Variants in PDE10A observed in about 807,000 individuals in gnomAD.
PDE10A encodes the protein cAMP and cAMP-inhibited cGMP 3',5'-cyclic phosphodiesterase 10A.
Under a neutral mutation model 97.7 loss-of-function variants are expected in PDE10A, and 39 were observed. That is an observed-to-expected ratio of 0.40 (90% confidence interval 0.31 to 0.52). The LOEUF (loss-of-function observed/expected upper bound fraction) is 0.52, where lower values mean the gene tolerates loss of function less well. Among genes scored for constraint, PDE10A ranks in the 20% least tolerant of loss-of-function variants. PDE10A has a pLI of 0.56. For missense variants in PDE10A, 731 were observed against 1,047.8 expected (o/e 0.70, Z 4.17); for synonymous variants, 371 against 376.8 (o/e 0.98, Z 0.18).
At position 165,662,551 on chromosome 6, in the gene PDE10A, G is replaced by C. The variant is rs1229040138; in HGVS notation, c.261C>G (p.Arg87=). Residue 87 remains arginine, a synonymous_variant, in exon 1 of 22, where the codon CGC becomes CGG. Coordinates refer to ENST00000539869, the MANE Select transcript of PDE10A (RefSeq NM_001385079.1). ...CCGCGACCCAGCCGCAGCCGCCGCC[G>C]CGCGCAGAGAGGGCGCCGGGGCCCC... ...PAGGPGALSA[R]GGGCGWVAAR... The C allele has an allele frequency of 4.0e-5, 6 of 148,160 alleles. No individual in the cohort carries two copies. The highest frequency in any genetic ancestry group is 1.5e-4 in the African/African-American group (6 of 40,954). The allele number at this position is 148,160 out of a possible 1,614,324, so 9.2% of individuals were successfully genotyped here. A position where few individuals can be genotyped will look rare whatever the true frequency, so the allele number is the denominator to read the frequency against.
intron 1 of PDE10A, among the ~76,000 whole-genome samples, chr6:165,937,105 A>C (rs10946109): frequency 0.34 from 51,384 of 152,022 alleles, 9,341 homozygotes; most frequent in African/African-American, 0.42. Flanking sequence ...GCAGTTCTGC[A>C]TGCATCCTAT....
At chr6:165,518,106 A>G (rs1269788433) in intron 2 of PDE10A, among the ~76,000 whole-genome samples, 5 of 152,214 alleles carry the variant, frequency 3.3e-5, no homozygotes, top group African/African-American at 7.2e-5. Flanking sequence ...ATATTTTGCT[A>G]AACACTCTGA....
chr6:165,975,484 A>AT (rs1166391743), intron 1 of PDE10A, among the ~76,000 whole-genome samples: 1 of 152,224 alleles, frequency 6.6e-6, no homozygotes, highest in African/African-American at 2.4e-5. Flanking sequence ...TCAGTCACAC[A>AT]TTCATTCAAC....
At chr6:165,935,045 G>A (rs994952982) in intron 1 of PDE10A, among the ~76,000 whole-genome samples, 15 of 152,188 alleles carry the variant, frequency 9.9e-5, no homozygotes, top group African/African-American at 2.4e-4. Context: ...GTTATCAGAC[G>A]TAGTTCCTTC....
intron 1 of PDE10A, among the ~76,000 whole-genome samples, chr6:165,563,082 A>T (rs556933918): frequency 6.6e-6 from 1 of 151,930 alleles, no homozygotes; most frequent in African/African-American, 2.4e-5. Context: ...TGCATAAAAT[A>T]CTGCAATCAG....
chr6:165,475,411 C>T (rs1259356168), intron 3 of PDE10A, among the ~76,000 whole-genome samples: 1 of 151,930 alleles, frequency 6.6e-6, no homozygotes, highest in Non-Finnish European at 1.5e-5. Flanking sequence ...ATGAAATAAA[C>T]AAAGAAAAGT....
At chr6:165,965,028 C>T (rs1035681009) in intron 1 of PDE10A, among the ~76,000 whole-genome samples, 4 of 152,214 alleles carry the variant, frequency 2.6e-5, no homozygotes, top group African/African-American at 9.6e-5. Flanking sequence ...ATAAAGGGGC[C>T]TTTGGCCAAA....
chr6:165,505,469 A>G (rs1189489259), intron 2 of PDE10A, among the ~76,000 whole-genome samples: 1 of 152,198 alleles, frequency 6.6e-6, no homozygotes, highest in Non-Finnish European at 1.5e-5. Flanking sequence ...CCAACTTTCA[A>G]ATAAAATGAT....
chr6:165,874,684 C>T (rs7776001), intron 1 of PDE10A, among the ~76,000 whole-genome samples: 1 of 152,036 alleles, frequency 6.6e-6, no homozygotes, highest in Non-Finnish European at 1.5e-5. Flanking sequence ...TCAAATTATT[C>T]ACAATTGAAA....
chr6:165,401,153 C>T (rs1011993786), intron 13 of PDE10A, among the ~76,000 whole-genome samples: 2 of 152,176 alleles, frequency 1.3e-5, no homozygotes, highest in African/African-American at 2.4e-5. Flanking sequence ...AACAGTTGTA[C>T]GTTATTGTGT....
At chr6:165,882,874 C>T (rs905322581) in intron 1 of PDE10A, among the ~76,000 whole-genome samples, 2 of 152,096 alleles carry the variant, frequency 1.3e-5, no homozygotes, top group African/African-American at 2.4e-5. Flanking sequence ...TTATCACGTC[C>T]CTGTTCTCAA....
At chr6:165,345,338 C>T (rs1459230600) in intron 18 of PDE10A, among the ~76,000 whole-genome samples, 2 of 152,200 alleles carry the variant, frequency 1.3e-5, no homozygotes, top group Non-Finnish European at 2.9e-5. Context: ...TTAGATTTCA[C>T]TGTCAAAATT....
At chr6:165,856,034 G>T (rs1780723703) in intron 1 of PDE10A, among the ~76,000 whole-genome samples, 1 of 152,106 alleles carries the variant, frequency 6.6e-6, no homozygotes. Flanking sequence ...ATTGATGAGG[G>T]GCCAGGACTC....
chr6:165,871,112 G>T (rs1207033864), intron 1 of PDE10A, among the ~76,000 whole-genome samples: 2 of 152,184 alleles, frequency 1.3e-5, no homozygotes, highest in African/African-American at 4.8e-5. Context: ...GATACACAAA[G>T]AAATGATAGA....
intron 1 of PDE10A, among the ~76,000 whole-genome samples, chr6:165,585,351 C>G (rs1785845631): frequency 6.6e-6 from 1 of 152,164 alleles, no homozygotes; most frequent in African/African-American, 2.4e-5. Context: ...ATATTCCCAG[C>G]AACTCATTCA....
intron 1 of PDE10A, among the ~76,000 whole-genome samples, chr6:165,883,835 AG>A (rs1781556296): frequency 6.6e-6 from 1 of 152,170 alleles, no homozygotes; most frequent in Non-Finnish European, 1.5e-5. Flanking sequence ...CTCAAGCTAA[AG>A]AGACACAGGC....
At chr6:165,867,432 G>T (rs1398176763) in intron 1 of PDE10A, among the ~76,000 whole-genome samples, 2 of 151,858 alleles carry the variant, frequency 1.3e-5, no homozygotes, top group Non-Finnish European at 2.9e-5. Flanking sequence ...AAGACACAAA[G>T]AAGGTCATTA....
chr6:165,327,558 AAACAT>A lies in PDE10A; in HGVS notation c.*5462_*5466del, dbSNP rs1488302436. 6.6e-6 allele frequency: 1 copy of A among 152,216 alleles called. No homozygotes were observed. The highest frequency in any genetic ancestry group is 2.4e-5 in the African/African-American group (1 of 41,468). 9.4% of individuals were successfully genotyped at this position (152,216 alleles called of 1,614,324 possible). A position where few individuals can be genotyped will look rare whatever the true frequency, so the allele number is the denominator to read the frequency against. ...ATAAATGATTACTGTTCTATTATAC[AAACAT>A]AACAGTAAATGTTTTTTAAATACAA... On this transcript the variant is annotated 3_prime_UTR_variant, in exon 22 of 22. Coordinates refer to ENST00000539869, the MANE Select transcript of PDE10A (RefSeq NM_001385079.1).
chr6:165,788,518 C>CAAAAAAAAAA (rs56927613), intron 1 of PDE10A, among the ~76,000 whole-genome samples: 13 of 74,638 alleles, frequency 1.7e-4, no homozygotes, highest in East Asian at 9.4e-4. Context: ...AACTCTGTCT[C>CAAAAAAAAAA]AAAAAAAAAA....
Sources: gnomAD v4.1 joint callset for allele counts (sites outside exome capture counted in the v4.1 genomes callset) on GRCh38, gnomAD v4.1.1 for gene constraint, MANE v1.5 for transcripts, NCBI Gene and HGNC (gene_info 2026-07-23, HGNC 2026-07-21) for gene names.